The following TMOD3 variants were observed in gnomAD, a reference collection of about 807,000 sequenced individuals.
The protein encoded by TMOD3 is tropomodulin-3.
Under a neutral mutation model 39.2 loss-of-function variants are expected in TMOD3, and 20 were observed. The ratio of observed to expected loss-of-function variants is 0.51; its 90% confidence interval spans 0.36 to 0.74. The LOEUF is 0.74. TMOD3 is among the 30% of genes least tolerant of loss of function. The pLI is 0.00. For synonymous variants in TMOD3, 143 were observed against 145.8 expected (o/e 0.98, Z 0.14); for missense variants, 381 against 412.8 (o/e 0.92, Z 0.67).
chr15:51,837,206 C>A (rs1269722416), intron 1 of TMOD3, among the ~76,000 whole-genome samples: 1 of 152,000 alleles, frequency 6.6e-6, no homozygotes, highest in Non-Finnish European at 1.5e-5. Flanking sequence ...AAAATTACAG[C>A]CAACAAAATA....
At chr15:51,888,765 T>G (rs996089702) in intron 4 of TMOD3, among the ~76,000 whole-genome samples, 6 of 152,200 alleles carry the variant, frequency 3.9e-5, no homozygotes, top group African/African-American at 1.2e-4. Context: ...ATTTTCTCTC[T>G]TAGCCACTAG....
intron 3 of TMOD3, chr15:51,875,065 C>A (rs928776017): frequency 6.6e-6 from 1 of 152,146 alleles, no homozygotes; most frequent in Non-Finnish European, 1.5e-5. Context: ...CTAAGGACTT[C>A]CCATATGCTG....
chr15:51,874,602 T>C (rs56153443), intron 3 of TMOD3, among the ~76,000 whole-genome samples: 4 of 152,328 alleles, frequency 2.6e-5, no homozygotes, highest in Non-Finnish European at 5.9e-5. Context: ...GTCTCAAAGA[T>C]AGATAAGGCA....
chr15:51,897,774 C>T (rs1463567159), intron 7 of TMOD3, among the ~76,000 whole-genome samples: 9 of 132,260 alleles, frequency 6.8e-5, no homozygotes, highest in African/African-American at 1.5e-4. Flanking sequence ...TGAGCCACCA[C>T]GCCCAGCAAA....
At chr15:51,844,358 A>C (rs925166382) in intron 1 of TMOD3, among the ~76,000 whole-genome samples, 6 of 152,188 alleles carry the variant, frequency 3.9e-5, no homozygotes, top group African/African-American at 9.7e-5. Flanking sequence ...GATGTAAATG[A>C]ATGATGGGGG....
At chr15:51,860,770 T>C (rs1414334630) in intron 1 of TMOD3, 10 of 365,902 alleles carry the variant, frequency 2.7e-5, no homozygotes, top group Non-Finnish European at 5.3e-5. Flanking sequence ...ACCCCGTCTC[T>C]ACTAAAAATA....
chr15:51,885,936 G>A (rs867182241), intron 3 of TMOD3, among the ~76,000 whole-genome samples: 62 of 148,594 alleles, frequency 4.2e-4, no homozygotes, highest in African/African-American at 1.3e-3. Context: ...CCTCCCTCCC[G>A]GACAGGGTGG....
At chr15:51,894,260 C>T (rs1260120140) in intron 6 of TMOD3, among the ~76,000 whole-genome samples, 2 of 152,000 alleles carry the variant, frequency 1.3e-5, no homozygotes, top group African/African-American at 4.8e-5. Flanking sequence ...TTTTAAAATT[C>T]GGTTCCTTAG....
intron 1 of TMOD3, among the ~76,000 whole-genome samples, chr15:51,862,610 T>C (rs548127732): frequency 6.6e-6 from 1 of 152,322 alleles, no homozygotes; most frequent in South Asian, 2.1e-4. Flanking sequence ...TTTTATCTTT[T>C]CCCTCTTTTT....
intron 2 of TMOD3, among the ~76,000 whole-genome samples, chr15:51,867,491 C>A (rs1472123036): frequency 6.6e-6 from 1 of 151,998 alleles, no homozygotes. Flanking sequence ...GTAGTAGGTA[C>A]CATTACATAA....
rs1207301654 is a variant in TMOD3 at position 51,913,064 on chromosome 15, C to T, written c.*4254C>T. ...TCTCAGCTCACTGCAGCTTCCACCT[C>T]CCAGATTCAAGTGATTCTCCTGCCT... On this transcript the variant is annotated 3_prime_UTR_variant, in exon 10 of 10. Transcript: ENST00000308580. 6.6e-6 allele frequency: 1 copy of T among 152,280 alleles called. No homozygotes were observed. Among genetic ancestry groups the T allele is most frequent in the Non-Finnish European group, 1.5e-5 (1 of 68,080 alleles). The allele number at this position is 152,280 out of a possible 1,614,324, so 9.4% of individuals were successfully genotyped here. A position where few individuals can be genotyped will look rare whatever the true frequency, so the allele number is the denominator to read the frequency against.
At chr15:51,899,798 T>C (rs374819636) in intron 7 of TMOD3, among the ~76,000 whole-genome samples, 3 of 152,240 alleles carry the variant, frequency 2.0e-5, no homozygotes, top group East Asian at 3.8e-4. Context: ...CCAGGTACTA[T>C]GTTGAATCCA....
In TMOD3 at chr15:51,893,908, A is replaced by T; in HGVS notation, c.590A>T (p.Asp197Val). The change falls in exon 6 of 10, where the codon GAT (aspartate) becomes GTT (valine). Residue 197 changes from aspartate to valine, a missense_variant. By Grantham distance (152) the Asp-to-Val change is radical. Transcript: ENST00000308580. Reference sequence around the variant, plus strand: ...AGTTTGAAGAGAACTAAAGAAAACGATGCTCATCTTGTTGAAGTTAATTTG... The same window carrying T: ...AGTTTGAAGAGAACTAAAGAAAACGTTGCTCATCTTGTTGAAGTTAATTTG... ...EESLKRTKEN[D>V]AHLVEVNLNN... 6.2e-7 allele frequency: 1 copy of T among 1,608,354 alleles called. No individual in the cohort carries two copies. The highest frequency in any genetic ancestry group is 8.5e-7 in the Non-Finnish European group (1 of 1,176,616).
At chr15:51,844,193 G>T (rs1228524793) in intron 1 of TMOD3, among the ~76,000 whole-genome samples, 1 of 152,126 alleles carries the variant, frequency 6.6e-6, no homozygotes, top group African/African-American at 2.4e-5. Context: ...CAGCTAACTA[G>T]TTTATCTCTG....
chr15:51,909,219 G>A lies in TMOD3; in HGVS notation c.*409G>A, dbSNP rs976998145. 4 of 155,470 alleles carry A rather than the reference G, an allele frequency of 2.6e-5. No homozygotes were observed. Among genetic ancestry groups the A allele is most frequent in the Non-Finnish European group, 4.3e-5 (3 of 70,122 alleles). 9.6% of individuals were successfully genotyped at this position (155,470 alleles called of 1,614,324 possible). ...AACACTTAAGTGTTTTCTTCACTCC[G>A]TGACCTGGAGAGTTTTCCATTTTTT... On this transcript the variant is annotated 3_prime_UTR_variant, in exon 10 of 10. Transcript: ENST00000308580.
chr15:51,863,266 T>A (rs986115750), intron 2 of TMOD3, among the ~76,000 whole-genome samples: 3 of 152,186 alleles, frequency 2.0e-5, no homozygotes, highest in African/African-American at 7.2e-5. Flanking sequence ...CTCTAAGAAA[T>A]TTTTCTCCTC....
intron 1 of TMOD3, chr15:51,860,030 A>G (rs1237380689): frequency 1.9e-6 from 1 of 535,510 alleles, no homozygotes; most frequent in African/African-American, 1.9e-5. Flanking sequence ...CAGAGTCTTC[A>G]CTGCCTCTTC....
intron 6 of TMOD3, among the ~76,000 whole-genome samples, chr15:51,895,882 G>C (rs1277226753): frequency 6.6e-6 from 1 of 152,200 alleles, no homozygotes; most frequent in African/African-American, 2.4e-5. Context: ...GCCGAGGAGG[G>C]TGGATCACCT....
At chr15:51,874,187 G>C (rs1251463127) in intron 3 of TMOD3, among the ~76,000 whole-genome samples, 4 of 152,030 alleles carry the variant, frequency 2.6e-5, no homozygotes, top group African/African-American at 7.2e-5. Context: ...TTATTTTCTA[G>C]ATTGCTAAAA....
Sources: allele counts gnomAD v4.1 joint callset (sites outside exome capture counted in the v4.1 genomes callset), GRCh38; gene constraint gnomAD v4.1.1; transcripts MANE v1.5; gene names NCBI Gene and HGNC (gene_info 2026-07-23, HGNC 2026-07-21).